COL6A2: variants seen among roughly 807,000 people sequenced by gnomAD.
COL6A2 encodes the protein collagen type VI alpha 2 chain.
A neutral mutation model predicts 124.9 loss-of-function variants in COL6A2; 90 were observed. That is an observed-to-expected ratio of 0.72 (90% CI 0.61 to 0.86). COL6A2 has a LOEUF of 0.86. Ranked by LOEUF, COL6A2 falls within the 40% of genes least tolerant of loss-of-function variation. The pLI, the probability that COL6A2 is intolerant of heterozygous loss-of-function variation, is 0.00. For missense variants in COL6A2, 1,607 were observed against 1,502.5 expected, an observed-to-expected ratio of 1.07 and a Z score of -1.15; for synonymous variants, 793 against 618.2, an observed-to-expected ratio of 1.28 and a Z score of -4.19.
At chr21:46,117,826 G>A in intron 11 of COL6A2, 48 bp from the exon 12 acceptor site, 1 of 1,573,966 alleles carries the variant, frequency 6.4e-7, no homozygotes, top group South Asian at 1.2e-5. Context: ...CTCATGGGGA[G>A]AACCCCACCC....
chr21:46,113,312 G>A (rs11911561), intron 4 of COL6A2, among the ~76,000 whole-genome samples: 2,156 of 152,248 alleles, frequency 0.014, 50 homozygotes, highest in African/African-American at 0.05. Flanking sequence ...TTTCATTGCC[G>A]TGTACAAATG....
intron 26 of COL6A2, 35 bp downstream of exon 26, chr21:46,126,272 G>A (rs1454660908): frequency 5.7e-6 from 9 of 1,592,726 alleles, no homozygotes; most frequent in Non-Finnish European, 7.7e-6. Flanking sequence ...CGGCCGAGGA[G>A]CAGCAGGCCC....
intron 21 of COL6A2, among the ~76,000 whole-genome samples, chr21:46,124,319 G>A (rs1395723520): frequency 6.6e-6 from 1 of 152,130 alleles, no homozygotes; most frequent in Admixed American, 6.5e-5. Context: ...ATGGGTGGAT[G>A]GGTGGGCGTG....
At chr21:46,118,953 C>T (rs1266103707) in intron 13 of COL6A2, 77 bp from the exon 14 acceptor site, 2 of 1,200,498 alleles carry the variant, frequency 1.7e-6, no homozygotes, top group Non-Finnish European at 2.5e-6. Context: ...AGGGGCTCCA[C>T]ACCACACACC....
rs1381717635 is a variant in COL6A2 at position 46,125,399 on chromosome 21, A to G, written c.1817-66A>G. On this transcript the variant is annotated intron_variant, in intron 24 of 27. Coordinates refer to ENST00000300527, the MANE Select transcript of COL6A2 (RefSeq NM_001849.4). ...GGGCTGGGTCATCGCTGGGTCCTGCATGTGCACGTGACCCTAGGGTCTGAG... is the reference window on the plus strand; with the variant it reads ...GGGCTGGGTCATCGCTGGGTCCTGCGTGTGCACGTGACCCTAGGGTCTGAG... 1.9e-6 allele frequency: 3 copies of G among 1,604,890 alleles called. No homozygotes were observed. In the African/African-American group the frequency reaches 4.0e-5, roughly 21 times the overall value.
Position 46,111,503 on chromosome 21 carries a change from C to G in COL6A2, c.27C>G (p.Leu9=). MLQGTCSV[L]LLWGILGAIQ... is the part of the protein sequence containing the mutation. ...TGCTCCAGGGCACCTGCTCCGTGCT[C>G]CTGCTCTGGGGAATCCTGGGGGCCA... The change falls in exon 2 of 28, where the codon CTC becomes CTG. Residue 9 remains leucine (L), a synonymous_variant. Transcript: ENST00000300527. The G allele has an allele frequency of 6.2e-7, 1 of 1,612,830 alleles. No homozygotes were observed. The highest frequency in any genetic ancestry group is 1.1e-5 in the South Asian group (1 of 91,056).
chr21:46,123,334 C>T (rs1045654965), intron 21 of COL6A2, among the ~76,000 whole-genome samples: 3 of 149,784 alleles, frequency 2.0e-5, no homozygotes, highest in African/African-American at 7.4e-5. Context: ...CACATAGCAT[C>T]CCCCTCAGAG....
At chr21:46,131,024 C>T (rs139759203) in intron 27 of COL6A2, among the ~76,000 whole-genome samples, 43 of 152,364 alleles carry the variant, frequency 2.8e-4, no homozygotes, top group African/African-American at 8.4e-4. Context: ...CCCCAGAAAC[C>T]GAGTTTCGGG....
chr21:46,122,791 C>G, intron 20 of COL6A2, 84 bp from the exon 21 acceptor site: 1 of 1,390,740 alleles, frequency 7.2e-7, no homozygotes, highest in South Asian at 1.2e-5. Flanking sequence ...AATGCCAGAT[C>G]GATTTTTCCA....
chr21:46,113,759 G>A, intron 4 of COL6A2: 1 of 580,606 alleles, frequency 1.7e-6, no homozygotes, highest in Non-Finnish European at 3.1e-6. Context: ...GCTTAAGCCA[G>A]GCTTGGTTTT....
rs1601240392 is a variant in COL6A2 at position 46,122,662 on chromosome 21, C to T, written c.1608+131C>T. 9 of 1,110,738 alleles carry T rather than the reference C, an allele frequency of 8.1e-6. No homozygotes were observed. In the East Asian group the frequency reaches 2.3e-4, roughly 28 times the overall value. The allele number at this position is 1,110,738 out of a possible 1,614,324, so 68.8% of individuals were successfully genotyped here. A position where few individuals can be genotyped will look rare whatever the true frequency, so the allele number is the denominator to read the frequency against. On this transcript the variant is annotated intron_variant, in intron 20 of 27. Coordinates refer to ENST00000300527, the MANE Select transcript of COL6A2 (RefSeq NM_001849.4). ...GAGATGGTCCTGGCTCCCCAAGGCC[C>T]AGCCATGTCACCTATGCTGAGCTCT... is the stretch of plus-strand genomic sequence containing the variant.
chr21:46,111,528 A>T lies in COL6A2; in HGVS notation c.52A>T (p.Ile18Phe). ...VLLLWGILGA[I>F]QAQQQEVISP... ...CCTGCTCTGGGGAATCCTGGGGGCCATCCAGGCCCAGCAGCAGGAGGTCAT... is the reference window on the plus strand; with the variant it reads ...CCTGCTCTGGGGAATCCTGGGGGCCTTCCAGGCCCAGCAGCAGGAGGTCAT... Residue 18 changes from isoleucine (I) to phenylalanine (F), a missense_variant, in exon 2 of 28, where the codon ATC becomes TTC. Physicochemically the swap from Ile to Phe is conservative, Grantham distance 21. Coordinates refer to ENST00000300527, the MANE Select transcript of COL6A2 (RefSeq NM_001849.4). 6.2e-7 allele frequency: 1 copy of T among 1,612,944 alleles called. No individual in the cohort carries two copies. The highest frequency in any genetic ancestry group is 8.5e-7 in the Non-Finnish European group (1 of 1,179,892).
In COL6A2 at chr21:46,129,976, C is replaced by A. The variant is rs546986207; in HGVS notation, c.2462-1978C>A. 2.6e-5 allele frequency among the ~76,000 whole-genome samples: 4 copies of A among 152,282 alleles called. No homozygotes were observed. In the East Asian group the frequency reaches 7.8e-4, roughly 30 times the overall value. ...CTGGAGGATGTTCCAGCACCAGGTT[C>A]CAGCGGAGCCTCGGAAACAGGCCCC... On this transcript the variant is annotated intron_variant, in intron 27 of 27. Coordinates refer to ENST00000300527, the MANE Select transcript of COL6A2 (RefSeq NM_001849.4).
intron 1 of COL6A2, among the ~76,000 whole-genome samples, chr21:46,101,941 AAAC>A (rs201854437): frequency 0.029 from 4,302 of 149,736 alleles, 104 homozygotes; most frequent in Admixed American, 0.07. Flanking sequence ...CTGAAAAAAA[AAAC>A]AATCACTGGG....
In COL6A2 at chr21:46,125,807, G is replaced by C; in HGVS notation, c.1992G>C (p.Gln664His). ...SETGTRVGVVQYSHEGTFEAI... is the reference protein window; with the variant it reads ...SETGTRVGVVHYSHEGTFEAI... Reference sequence around the variant, plus strand: ...CAGGGACGCGTGTGGGCGTGGTGCAGTACAGCCACGAGGGCACCTTTGAGG... The same window carrying C: ...CAGGGACGCGTGTGGGCGTGGTGCACTACAGCCACGAGGGCACCTTTGAGG... The change falls in exon 26 of 28, where the codon CAG becomes CAC. Residue 664 changes from glutamine to histidine, a missense_variant. Gln to His is a conservative substitution (Grantham distance 24, BLOSUM62 0). Coordinates refer to ENST00000300527, the MANE Select transcript of COL6A2 (RefSeq NM_001849.4). 6.2e-7 allele frequency: 1 copy of C among 1,612,902 alleles called. No individual in the cohort carries two copies. The highest frequency in any genetic ancestry group is 8.5e-7 in the Non-Finnish European group (1 of 1,179,938).
chr21:46,122,521 G>A lies in COL6A2; in HGVS notation c.1598G>A (p.Arg533His), dbSNP rs781676156. The A allele has an allele frequency of 1.2e-5, 19 of 1,612,586 alleles. No individual in the cohort carries two copies. Among genetic ancestry groups the A allele is most frequent in the African/African-American group, 5.3e-5 (4 of 74,874 alleles). ...GGAGAAAAAGGCGAGCCCGGCCCAC[G>A]CGGCCCCGAGGTATGTGTGGGTCCT... ...APGEKGEPGP[R>H]GPEGGRGDFG... Residue 533 changes from arginine to histidine, a missense_variant, in exon 20 of 28, where the codon CGC becomes CAC. Arg to His is a conservative substitution (Grantham distance 29, BLOSUM62 0). Transcript: ENST00000300527.
chr21:46,099,616 C>G (rs1209550181), intron 1 of COL6A2, among the ~76,000 whole-genome samples: 1 of 152,222 alleles, frequency 6.6e-6, no homozygotes, highest in Non-Finnish European at 1.5e-5. Flanking sequence ...AAGCAGGGGT[C>G]CTGGTGCTGC....
intron 1 of COL6A2, among the ~76,000 whole-genome samples, chr21:46,103,002 A>C (rs2078303449): frequency 6.6e-6 from 1 of 152,086 alleles, no homozygotes; most frequent in Admixed American, 6.6e-5. Context: ...GTTTGGTGTT[A>C]GTTCTTTATG....
rs531616001 is a variant in COL6A2, at chr21:46,120,386, C to A, written c.1333-129C>A. 9.9e-6 allele frequency: 7 copies of A among 707,510 alleles called. No individual in the cohort carries two copies. In the African/African-American group the frequency reaches 1.3e-4, roughly 13 times the overall value. 43.8% of individuals were successfully genotyped at this position (707,510 alleles called of 1,614,324 possible). On this transcript the variant is annotated intron_variant, in intron 15 of 27. Transcript: ENST00000300527. Reference sequence around the variant, plus strand: ...GGTGAAACAGGCGACTGTTGCAGGTCCCCCGGGACAGACGGGGTTCTTCCT... The same window carrying A: ...GGTGAAACAGGCGACTGTTGCAGGTACCCCGGGACAGACGGGGTTCTTCCT...
Sources: gnomAD v4.1 joint callset for allele counts (sites outside exome capture counted in the v4.1 genomes callset) on GRCh38, gnomAD v4.1.1 for gene constraint, MANE v1.5 for transcripts, NCBI Gene and HGNC (gene_info 2026-07-23, HGNC 2026-07-21) for gene names.